The following DPYD variants were observed in gnomAD, a reference collection of about 807,000 sequenced individuals.
DPYD encodes the protein dihydropyrimidine dehydrogenase, also known as dihydropyrimidine dehydrogenase [NADP(+)].
DPYD carries 109 observed loss-of-function variants against 116.2 expected under a neutral mutation model. The ratio of observed to expected loss-of-function variants is 0.94; its 90% CI spans 0.80 to 1.10. DPYD has a LOEUF of 1.10. Among genes scored for constraint, DPYD ranks in the 50% least tolerant of loss-of-function variants. The pLI is 0.00. For synonymous variants in DPYD, 440 were observed against 432.0 expected (o/e 1.02, Z -0.23); for missense variants, 1,302 against 1,254.5 (o/e 1.04, Z -0.57).
intron 10 of DPYD, 25 bp downstream of exon 10, chr1:97,593,193 A>G (rs1358173586): frequency 1.4e-5 from 23 of 1,612,988 alleles, no homozygotes; most frequent in Non-Finnish European, 1.9e-5. Flanking sequence ...GTACAACTCC[A>G]TATTTTCTGA....
At chr1:97,170,686 T>G (rs1318703261) in intron 20 of DPYD, among the ~76,000 whole-genome samples, 1 of 151,936 alleles carries the variant, frequency 6.6e-6, no homozygotes. Context: ...TTTCTTTTTT[T>G]TTTTTTTGAG....
chr1:97,407,499 T>C (rs1000169151), intron 14 of DPYD, among the ~76,000 whole-genome samples: 6 of 152,186 alleles, frequency 3.9e-5, no homozygotes, highest in Non-Finnish European at 8.8e-5. Flanking sequence ...ACATGGGCTA[T>C]GTCTTCTAGC....
At chr1:97,598,640 G>A (rs939457788) in intron 8 of DPYD, among the ~76,000 whole-genome samples, 13 of 151,752 alleles carry the variant, frequency 8.6e-5, no homozygotes, top group Non-Finnish European at 2.9e-5. Flanking sequence ...AGGGAGGAAC[G>A]AAGGAAGGAA....
At chr1:97,881,461 T>G (rs978230122) in intron 2 of DPYD, among the ~76,000 whole-genome samples, 1 of 152,032 alleles carries the variant, frequency 6.6e-6, no homozygotes, top group Non-Finnish European at 1.5e-5. Flanking sequence ...TCCCTAGGTA[T>G]AGCATCACAG....
rs1488380161 is a variant in DPYD at position 97,859,508 on chromosome 1, T to C, written c.150+23756A>G. On this transcript the variant is annotated intron_variant, in intron 2 of 22. Coordinates refer to ENST00000370192, the MANE Select transcript of DPYD (RefSeq NM_000110.4). ...GAGAACGCTAAGTGAAAATGCTATA[T>C]AAACTGCATGTTTTTTACAAGCGGT... 6.6e-5 allele frequency among the ~76,000 whole-genome samples: 10 copies of C among 152,276 alleles called. No homozygotes were observed. The East Asian group carries it at 1.7e-3, about 27-fold the overall frequency.
chr1:97,534,989 T>TA (rs1356906043), intron 12 of DPYD, among the ~76,000 whole-genome samples: 2 of 152,138 alleles, frequency 1.3e-5, no homozygotes, highest in African/African-American at 4.8e-5. Context: ...TAAAAGTTGT[T>TA]AAGTCCTTGA....
intron 14 of DPYD, among the ~76,000 whole-genome samples, chr1:97,403,978 T>C (rs1673512534): frequency 6.6e-6 from 1 of 152,050 alleles, no homozygotes; most frequent in African/African-American, 2.4e-5. Context: ...TCACAAATTT[T>C]GATAAGTTTT....
chr1:97,778,439 T>C (rs918853939), intron 3 of DPYD, among the ~76,000 whole-genome samples: 6 of 152,070 alleles, frequency 3.9e-5, no homozygotes, highest in Admixed American at 3.3e-4. Context: ...GCAAAGCTAA[T>C]GAGTGAGAAG....
At chr1:97,376,177 T>C (rs186413349) in intron 15 of DPYD, among the ~76,000 whole-genome samples, 17 of 152,300 alleles carry the variant, frequency 1.1e-4, no homozygotes, top group Admixed American at 9.1e-4. Flanking sequence ...CCACAGCTTA[T>C]AGCTGATAGT....
chr1:97,817,007 C>T (rs912042249), intron 3 of DPYD, among the ~76,000 whole-genome samples: 1 of 152,136 alleles, frequency 6.6e-6, no homozygotes, highest in African/African-American at 2.4e-5. Flanking sequence ...GGACTTAAGT[C>T]ATGTTTGCTC....
At position 97,574,255 on chromosome 1, in the gene DPYD, G is replaced by A. The variant is rs139393015; in HGVS notation, c.1129-285C>T. On this transcript the variant is annotated intron_variant, in intron 10 of 22. Coordinates refer to ENST00000370192, the MANE Select transcript of DPYD (RefSeq NM_000110.4). Reference sequence around the variant, plus strand: ...TGCTCTACATTTGGTAGTTTGTGAGGTTTCTGACCATAGTAGCCTATTATT... The same window carrying A: ...TGCTCTACATTTGGTAGTTTGTGAGATTTCTGACCATAGTAGCCTATTATT... Among the ~76,000 whole-genome samples, 98 of 152,110 alleles carry A rather than the reference G, an allele frequency of 6.4e-4. No individual in the cohort carries two copies. The South Asian group carries it at 0.018, about 28-fold the overall frequency.
chr1:97,318,487 C>T (rs1235975376), intron 16 of DPYD, among the ~76,000 whole-genome samples: 1 of 151,664 alleles, frequency 6.6e-6, no homozygotes, highest in East Asian at 1.9e-4. Context: ...ACAAAGAAGG[C>T]CATTACATAA....
intron 1 of DPYD, among the ~76,000 whole-genome samples, chr1:97,900,706 G>A (rs1485709378): frequency 6.6e-6 from 1 of 151,684 alleles, no homozygotes; most frequent in African/African-American, 2.4e-5. Flanking sequence ...TTACAATATA[G>A]CATAATGATG....
At chr1:97,145,929 A>T (rs944406187) in intron 20 of DPYD, among the ~76,000 whole-genome samples, 1 of 152,008 alleles carries the variant, frequency 6.6e-6, no homozygotes, top group African/African-American at 2.4e-5. Flanking sequence ...AGAATACAAA[A>T]CCTCAAACTC....
chr1:97,101,366 GT>G, intron 20 of DPYD, among the ~76,000 whole-genome samples: 1 of 146,270 alleles, frequency 6.8e-6, no homozygotes, highest in East Asian at 2.1e-4. Context: ...TAAAAGTAAA[GT>G]TTTCCGAAAA....
chr1:97,788,353 T>C (rs1667148878), intron 3 of DPYD, among the ~76,000 whole-genome samples: 1 of 152,152 alleles, frequency 6.6e-6, no homozygotes, highest in Non-Finnish European at 1.5e-5. Context: ...CTGTAAGATA[T>C]TAGTTTAGCC....
At chr1:97,426,149 G>T (rs1349099895) in intron 14 of DPYD, among the ~76,000 whole-genome samples, 1 of 151,990 alleles carries the variant, frequency 6.6e-6, no homozygotes, top group Non-Finnish European at 1.5e-5. Flanking sequence ...AATTAGAGCA[G>T]AAAGGAGGTA....
At chr1:97,571,445 T>C (rs935447723) in intron 11 of DPYD, among the ~76,000 whole-genome samples, 1 of 151,906 alleles carries the variant, frequency 6.6e-6, no homozygotes, top group South Asian at 2.1e-4. Flanking sequence ...ATTCTTAACA[T>C]TATCAATCAT....
intron 20 of DPYD, among the ~76,000 whole-genome samples, chr1:97,172,665 A>G (rs1656816809): frequency 6.6e-6 from 1 of 152,180 alleles, no homozygotes; most frequent in African/African-American, 2.4e-5. Flanking sequence ...TAAAAGCGAA[A>G]CTCACAAAGA....
Sources: gnomAD v4.1 joint callset for allele counts (sites outside exome capture counted in the v4.1 genomes callset) on GRCh38, gnomAD v4.1.1 for gene constraint, MANE v1.5 for transcripts, NCBI Gene and HGNC (gene_info 2026-07-23, HGNC 2026-07-21) for gene names.